Variants in PSMC4 observed in about 807,000 individuals in gnomAD.
PSMC4 encodes the protein proteasome 26S subunit, ATPase 4.
A neutral mutation model predicts 48.4 loss-of-function variants in PSMC4; 13 were observed. The observed-to-expected ratio is 0.27, with a 90% CI of 0.18 to 0.43. PSMC4 has a LOEUF of 0.43. PSMC4 is among the 20% of genes least tolerant of loss of function. The pLI is 1.00. For missense variants in PSMC4, 262 were observed against 555.9 expected, an observed-to-expected ratio of 0.47 and a Z score of 5.32; for synonymous variants, 202 against 212.3, an observed-to-expected ratio of 0.95 and a Z score of 0.42.
At chr19:39,971,310 G>T in intron 1 of PSMC4, 72 bp downstream of exon 1, 1 of 1,575,976 alleles carries the variant, frequency 6.3e-7, no homozygotes, top group South Asian at 1.1e-5. Context: ...ACCTGAGTGG[G>T]GGGAGGAATG....
chr19:39,975,819 C>T (rs2144614679), intron 6 of PSMC4, among the ~76,000 whole-genome samples: 1 of 152,250 alleles, frequency 6.6e-6, no homozygotes, highest in African/African-American at 2.4e-5. Context: ...CTGTACCAAG[C>T]CTTGTGCTGG....
In PSMC4 at chr19:39,980,606, C is replaced by G; in HGVS notation, c.1088-56C>G. The G allele has an allele frequency of 6.2e-7, 1 of 1,602,778 alleles. No individual in the cohort carries two copies. Among genetic ancestry groups the G allele is most frequent in the Non-Finnish European group, 8.5e-7 (1 of 1,169,970 alleles). The stretch of plus-strand genomic sequence containing the variant: ...TGACAGAGATGGCCAAAGATGACTT[C>G]CAGCCCCAGGCATTTACCCCATCAC... On this transcript the variant is annotated intron_variant, in intron 9 of 10. Coordinates refer to ENST00000157812, the MANE Select transcript of PSMC4 (RefSeq NM_006503.4). The surrounding 1 kb of genome is among the most constrained non-coding windows in gnomAD (Gnocchi z 4.8).
chr19:39,974,478 G>A lies in PSMC4; in HGVS notation c.469+38G>A, dbSNP rs765532645. ...CCTGCAGCTGGGAGGGCCCCATGGGGACCTTGAGGACCTGGCCAGGAGCCC... is the reference window on the plus strand; with the variant it reads ...CCTGCAGCTGGGAGGGCCCCATGGGAACCTTGAGGACCTGGCCAGGAGCCC... On this transcript the variant is annotated intron_variant, in intron 4 of 10. Transcript: ENST00000157812. This position sits in a 1 kb window ranked among gnomAD's most constrained non-coding sequence, Gnocchi z 5.5. 1 of 1,613,350 alleles carries A rather than the reference G, an allele frequency of 6.2e-7. No individual in the cohort carries two copies. The highest frequency in any genetic ancestry group is 8.5e-7 in the Non-Finnish European group (1 of 1,179,440).
chr19:39,971,832 TG>T (rs1971106570), intron 1 of PSMC4, among the ~76,000 whole-genome samples: 2 of 152,034 alleles, frequency 1.3e-5, no homozygotes, highest in Non-Finnish European at 2.9e-5. Flanking sequence ...TGAAGGGGAT[TG>T]GGTGGCATTT....
chr19:39,980,778 A>G lies in PSMC4; in HGVS notation c.1143+61A>G. 6.5e-7 allele frequency: 1 copy of G among 1,540,570 alleles called. No homozygotes were observed. The highest frequency in any genetic ancestry group is 9.0e-7 in the Non-Finnish European group (1 of 1,113,646). On this transcript the variant is annotated intron_variant, in intron 10 of 10. Transcript: ENST00000157812. This position sits in a 1 kb window ranked among gnomAD's most constrained non-coding sequence, Gnocchi z 4.8. ...GTGTGTGAGGACCCTTCTTCTCTGA[A>G]CCACTCTGCTGCAGTCCTGTCCCCT...
chr19:39,974,724 C>T lies in PSMC4; in HGVS notation c.580-11C>T, dbSNP rs2144613708. 2 of 1,613,930 alleles carry T rather than the reference C, an allele frequency of 1.2e-6. No individual in the cohort carries two copies. Among genetic ancestry groups the T allele is most frequent in the Non-Finnish European group, 1.7e-6 (2 of 1,179,820 alleles). ...CTGACTCCCACTTCTCTTCCTTCCTCTGGGTTTCAGATCGGCATCGATCCC... is the reference window on the plus strand; with the variant it reads ...CTGACTCCCACTTCTCTTCCTTCCTTTGGGTTTCAGATCGGCATCGATCCC... On this transcript the variant is annotated splice_polypyrimidine_tract_variant and intron_variant, in intron 5 of 10. Coordinates refer to ENST00000157812, the MANE Select transcript of PSMC4 (RefSeq NM_006503.4). The surrounding 1 kb of genome is among the most constrained non-coding windows in gnomAD (Gnocchi z 5.5).
intron 6 of PSMC4, among the ~76,000 whole-genome samples, chr19:39,975,694 T>G (rs1316744043): frequency 6.6e-6 from 1 of 152,118 alleles, no homozygotes; most frequent in Non-Finnish European, 1.5e-5. Flanking sequence ...TAGTACCTAT[T>G]TTTCTAGGGT....
At position 39,980,475 on chromosome 19, in the gene PSMC4, G is replaced by C; in HGVS notation, c.1087+21G>C. 1 of 1,613,248 alleles carries C rather than the reference G, an allele frequency of 6.2e-7. No homozygotes were observed. The highest frequency in any genetic ancestry group is 8.5e-7 in the Non-Finnish European group (1 of 1,179,424). ...AGACTGTATCCTGCTCCAGAAGTCA[G>C]GGAGGGGCCCTAGTTGGGAACGGGG... On this transcript the variant is annotated intron_variant, in intron 9 of 10. Transcript: ENST00000157812. The surrounding 1 kb of genome is among the most constrained non-coding windows in gnomAD (Gnocchi z 4.8).
At chr19:39,973,310 A>G (rs1910209671) in intron 3 of PSMC4, among the ~76,000 whole-genome samples, 1 of 152,110 alleles carries the variant, frequency 6.6e-6, no homozygotes, top group Non-Finnish European at 1.5e-5. Flanking sequence ...GAGGCCAGGC[A>G]TGGTGCCTCA....
At chr19:39,978,295 T>C (rs901064772) in intron 6 of PSMC4, among the ~76,000 whole-genome samples, 1 of 151,844 alleles carries the variant, frequency 6.6e-6, no homozygotes, top group African/African-American at 2.4e-5. Flanking sequence ...ACTGTAGTGA[T>C]TGAGTAGGAA....
chr19:39,972,451 T>C lies in PSMC4; in HGVS notation c.218T>C (p.Leu73Pro). The C allele has an allele frequency of 6.2e-7, 1 of 1,614,136 alleles. No individual in the cohort carries two copies. The change falls in exon 3 of 11, where the codon CTC (leucine) becomes CCC (proline). Residue 73 changes from leucine to proline, a missense_variant. Physicochemically the swap from Leu to Pro is moderately conservative, Grantham distance 98 (BLOSUM62 -3). This residue lies in a region of PSMC4 where 131 missense variants were observed against 276.7 expected (regional missense o/e 0.47). Transcript: ENST00000157812. ...DEQKNLKKEF[L>P]HAQEEVKRIQ... ...CAAAAGAACCTGAAAAAGGAATTTC[T>C]CCATGCCCAGGAGGAGGTGAAGCGA...
In PSMC4 at chr19:39,981,335, G is replaced by A. The variant is rs774883149; in HGVS notation, c.*30G>A. 1 of 1,530,136 alleles carries A rather than the reference G, an allele frequency of 6.5e-7. No individual in the cohort carries two copies. The highest frequency in any genetic ancestry group is 1.7e-5 in the Admixed American group (1 of 59,814). The allele number at this position is 1,530,136 out of a possible 1,614,324, so 94.8% of individuals were successfully genotyped here. On this transcript the variant is annotated 3_prime_UTR_variant, in exon 11 of 11. Coordinates refer to ENST00000157812, the MANE Select transcript of PSMC4 (RefSeq NM_006503.4). ...TCCCTTCCCTCCACCACACCACTCAGGGGCTGGGGCTTCTCTCGCACCCCC... is the reference window on the plus strand; with the variant it reads ...TCCCTTCCCTCCACCACACCACTCAAGGGCTGGGGCTTCTCTCGCACCCCC...
At chr19:39,972,633 A>AGGCAG in intron 3 of PSMC4, 78 bp downstream of exon 3, 1 of 1,342,676 alleles carries the variant, frequency 7.4e-7, no homozygotes, top group East Asian at 2.4e-5. Flanking sequence ...GCAGCAAACA[A>AGGCAG]GGCAGGGCAG....
chr19:39,977,391 T>C (rs1160560656), intron 6 of PSMC4, among the ~76,000 whole-genome samples: 1 of 152,134 alleles, frequency 6.6e-6, no homozygotes, highest in African/African-American at 2.4e-5. Context: ...GACCCTCACT[T>C]CAGGTTCTGT....
chr19:39,981,536 G>A lies in PSMC4; in HGVS notation c.*231G>A, dbSNP rs1335891125. ...CTTAATCTGACAGATGAGCAGACGA[G>A]GTGCATGGCCTGGGTTGCAGCTTGA... On this transcript the variant is annotated 3_prime_UTR_variant, in exon 11 of 11. Coordinates refer to ENST00000157812, the MANE Select transcript of PSMC4 (RefSeq NM_006503.4). The A allele has an allele frequency of 2.3e-6, 1 of 437,240 alleles. No individual in the cohort carries two copies. Among genetic ancestry groups the A allele is most frequent in the South Asian group, 3.0e-5 (1 of 33,736 alleles). 27.1% of individuals were successfully genotyped at this position (437,240 alleles called of 1,614,324 possible). A position where few individuals can be genotyped will look rare whatever the true frequency, so the allele number is the denominator to read the frequency against.
At chr19:39,975,143 G>A (rs73545938) in intron 6 of PSMC4, among the ~76,000 whole-genome samples, 9,414 of 152,180 alleles carry the variant, frequency 0.062, 490 homozygotes, top group East Asian at 0.18. Flanking sequence ...AACAGAAAGC[G>A]CCAGAGAACA....
Position 39,971,221 on chromosome 19 carries a change from T to C in PSMC4, c.19T>C (p.Leu7=), listed in dbSNP as rs1433520626. ...GGTCACTATGGAGGAGATAGGCATC[T>C]TGGTGGAGAAGGCTCAGGTACAGTG... is the stretch of plus-strand genomic sequence containing the variant. MEEIGI[L]VEKAQDEIPA... Residue 7 remains leucine, a synonymous_variant, in exon 1 of 11, where the codon TTG becomes CTG. Coordinates refer to ENST00000157812, the MANE Select transcript of PSMC4 (RefSeq NM_006503.4). 1 of 1,614,162 alleles carries C rather than the reference T, an allele frequency of 6.2e-7. No individual in the cohort carries two copies. Among genetic ancestry groups the C allele is most frequent in the Admixed American group, 1.7e-5 (1 of 60,030 alleles).
chr19:39,972,511 T>A lies in PSMC4; in HGVS notation c.278T>A (p.Leu93Gln). ...ATCCCGCTGGTCATCGGACAATTTC[T>A]GGAGGCTGTGGATCAGAATACAGCC... is the stretch of plus-strand genomic sequence containing the variant. ...QSIPLVIGQF[L>Q]EAVDQNTAIV... The change falls in exon 3 of 11, where the codon CTG (leucine) becomes CAG (glutamine). Residue 93 changes from leucine to glutamine, a missense_variant. Physicochemically the swap from Leu to Gln is moderately radical, Grantham distance 113. This residue lies in a region of PSMC4 where 131 missense variants were observed against 276.7 expected (regional missense o/e 0.47). Transcript: ENST00000157812. 6.2e-7 allele frequency: 1 copy of A among 1,614,132 alleles called. No homozygotes were observed. The highest frequency in any genetic ancestry group is 8.5e-7 in the Non-Finnish European group (1 of 1,180,016).
At position 39,980,126 on chromosome 19, in the gene PSMC4, G is replaced by C; in HGVS notation, c.898G>C (p.Asp300His). The C allele has an allele frequency of 6.2e-7, 1 of 1,614,108 alleles. No homozygotes were observed. Among genetic ancestry groups the C allele is most frequent in the Non-Finnish European group, 8.5e-7 (1 of 1,180,028 alleles). The change falls in exon 8 of 11, where the codon GAT (aspartate) becomes CAT (histidine). Residue 300 changes from aspartate to histidine, a missense_variant. Transcript: ENST00000157812. The surrounding 1 kb of genome is among the most constrained non-coding windows in gnomAD (Gnocchi z 4.8). ...LELLNQMDGF[D>H]QNVNVKVIMA... Reference sequence around the variant, plus strand: ...GCTGCTGAATCAGATGGATGGATTTGATCAGAATGTCAATGTCAAGGTTTG... The same window carrying C: ...GCTGCTGAATCAGATGGATGGATTTCATCAGAATGTCAATGTCAAGGTTTG...
Sources: allele counts gnomAD v4.1 joint callset (sites outside exome capture counted in the v4.1 genomes callset), GRCh38; gene constraint gnomAD v4.1.1; regional missense constraint gnomAD v4.1.1; non-coding constraint Gnocchi (gnomAD v3.1); transcripts MANE v1.5; gene names NCBI Gene and HGNC (gene_info 2026-07-23, HGNC 2026-07-21).